RORA: variants seen among roughly 807,000 people sequenced by gnomAD.
RORA encodes the protein RAR related orphan receptor A, also known as nuclear receptor ROR-alpha.
RORA carries 7 observed loss-of-function variants against 69.5 expected under a neutral mutation model. That is an observed-to-expected ratio of 0.10 (90% CI 0.06 to 0.19). The LOEUF (loss-of-function observed/expected upper bound fraction) is 0.19. RORA is among the 10% of genes least tolerant of loss of function. The pLI is 1.00. For missense variants in RORA, 457 were observed against 663.0 expected (o/e 0.69, Z 3.41); for synonymous variants, 261 against 240.8 (o/e 1.08, Z -0.78).
At chr15:60,941,320 T>C (rs570213337) in intron 1 of RORA, among the ~76,000 whole-genome samples, 1 of 152,340 alleles carries the variant, frequency 6.6e-6, no homozygotes, top group South Asian at 2.1e-4. Context: ...GATGAAATGG[T>C]TGTTAAAGCT....
chr15:60,786,066 C>G (rs1036666021), intron 1 of RORA, among the ~76,000 whole-genome samples: 1 of 152,346 alleles, frequency 6.6e-6, no homozygotes, highest in African/African-American at 2.4e-5. Context: ...CTTGCCTTTG[C>G]AAGGAACCCT....
At chr15:60,859,917 C>T (rs1363953930) in intron 1 of RORA, among the ~76,000 whole-genome samples, 16 of 152,116 alleles carry the variant, frequency 1.1e-4, no homozygotes, top group Admixed American at 8.5e-4. Context: ...GCCCTGCAGC[C>T]GATCCCTGAC....
At chr15:60,750,660 G>A (rs2071710981) in intron 1 of RORA, among the ~76,000 whole-genome samples, 1 of 152,148 alleles carries the variant, frequency 6.6e-6, no homozygotes, top group Non-Finnish European at 1.5e-5. Flanking sequence ...AGGAAAAAGA[G>A]CAAAAGAGGA....
intron 2 of RORA, among the ~76,000 whole-genome samples, chr15:60,556,622 G>A (rs940202059): frequency 6.6e-6 from 1 of 152,122 alleles, no homozygotes; most frequent in Non-Finnish European, 1.5e-5. Flanking sequence ...ATGTGCCTGT[G>A]GACCATAACC....
chr15:61,030,502 G>A (rs1027217774), intron 1 of RORA, among the ~76,000 whole-genome samples: 1 of 152,186 alleles, frequency 6.6e-6, no homozygotes, highest in Non-Finnish European at 1.5e-5. Context: ...GAGAGGTAGA[G>A]TGGGTTTTAG....
intron 1 of RORA, among the ~76,000 whole-genome samples, chr15:60,735,091 A>C (rs2071480358): frequency 1.3e-5 from 2 of 152,236 alleles, no homozygotes; most frequent in Admixed American, 1.3e-4. Flanking sequence ...ACAGTCACTG[A>C]CATCTCTTCA....
chr15:60,749,606 G>T (rs1477409454), intron 1 of RORA, among the ~76,000 whole-genome samples: 1 of 152,190 alleles, frequency 6.6e-6, no homozygotes, highest in Non-Finnish European at 1.5e-5. Flanking sequence ...GGTAAATGTT[G>T]CAGGCTGTCT....
chr15:60,493,198 A>G lies in RORA; in HGVS notation c.*4257T>C, dbSNP rs1039706207. 6.6e-6 allele frequency: 1 copy of G among 152,184 alleles called. No homozygotes were observed. Among genetic ancestry groups the G allele is most frequent in the African/African-American group, 2.4e-5 (1 of 41,464 alleles). The allele number at this position is 152,184 out of a possible 1,614,324, so 9.4% of individuals were successfully genotyped here. A position where few individuals can be genotyped will look rare whatever the true frequency, so the allele number is the denominator to read the frequency against. On this transcript the variant is annotated 3_prime_UTR_variant, in exon 11 of 11. Transcript: ENST00000335670. ...ATTGGAAGGACATATGATTTAAACA[A>G]TCAATGTTGGAAACAGTGGCTTTAG...
At chr15:61,145,077 T>C (rs2079334916) in intron 1 of RORA, among the ~76,000 whole-genome samples, 1 of 152,182 alleles carries the variant, frequency 6.6e-6, no homozygotes, top group African/African-American at 2.4e-5. Flanking sequence ...TACTACTATA[T>C]CTAAAATATC....
chr15:60,990,104 T>C (rs951096635), intron 1 of RORA, among the ~76,000 whole-genome samples: 3 of 152,240 alleles, frequency 2.0e-5, no homozygotes, highest in East Asian at 3.8e-4. Context: ...GAGCTTTTTG[T>C]TTCCCAGGAA....
chr15:60,816,057 T>A (rs991672418), intron 1 of RORA, among the ~76,000 whole-genome samples: 1 of 145,086 alleles, frequency 6.9e-6, no homozygotes. Context: ...AAACTATATG[T>A]ATTTATATAC....
intron 1 of RORA, among the ~76,000 whole-genome samples, chr15:60,785,043 C>A (rs563388245): frequency 6.6e-6 from 1 of 152,306 alleles, no homozygotes; most frequent in East Asian, 1.9e-4. Flanking sequence ...CAGCATGCTT[C>A]AATTAAAGAC....
At chr15:60,825,846 G>C (rs951951420) in intron 1 of RORA, among the ~76,000 whole-genome samples, 1 of 152,200 alleles carries the variant, frequency 6.6e-6, no homozygotes, top group Non-Finnish European at 1.5e-5. Flanking sequence ...GGCAGAACAA[G>C]CAGCGGCCAT....
At chr15:60,821,341 C>G (rs1371321696) in intron 1 of RORA, among the ~76,000 whole-genome samples, 7 of 152,164 alleles carry the variant, frequency 4.6e-5, no homozygotes. Context: ...GGGCTTCTAG[C>G]CCCTACGCTC....
intron 2 of RORA, among the ~76,000 whole-genome samples, chr15:60,658,317 A>G (rs1449967890): frequency 6.6e-6 from 1 of 152,080 alleles, no homozygotes; most frequent in African/African-American, 2.4e-5. Flanking sequence ...AGCCTCTGAA[A>G]GTGCTGGGAT....
chr15:61,013,211 C>T (rs1034738504), intron 1 of RORA, among the ~76,000 whole-genome samples: 13 of 152,232 alleles, frequency 8.5e-5, no homozygotes, highest in African/African-American at 3.1e-4. Context: ...TATGTATTCA[C>T]ATAACCACAG....
chr15:61,066,740 A>G (rs1253683175), intron 1 of RORA, among the ~76,000 whole-genome samples: 1 of 151,908 alleles, frequency 6.6e-6, no homozygotes. Flanking sequence ...CATGTTCCTT[A>G]AGAACACAGA....
At chr15:60,766,729 G>A (rs896097267) in intron 1 of RORA, among the ~76,000 whole-genome samples, 3 of 151,754 alleles carry the variant, frequency 2.0e-5, no homozygotes, top group South Asian at 4.1e-4. Context: ...CTGGGGCCGA[G>A]TTTTAAAAGT....
chr15:61,091,054 A>C (rs183495185), intron 1 of RORA, among the ~76,000 whole-genome samples: 46 of 152,316 alleles, frequency 3.0e-4, no homozygotes, highest in African/African-American at 9.6e-4. Flanking sequence ...TGTTTATGCC[A>C]GAATTCTCTT....
Sources: gnomAD v4.1 joint callset for allele counts (sites outside exome capture counted in the v4.1 genomes callset) on GRCh38, gnomAD v4.1.1 for gene constraint, MANE v1.5 for transcripts, NCBI Gene and HGNC (gene_info 2026-07-23, HGNC 2026-07-21) for gene names.